TMEM260: variants seen among roughly 807,000 people sequenced by gnomAD.
TMEM260 encodes protein O-mannosyl-transferase TMEM260.
Under a neutral mutation model 88.9 loss-of-function variants are expected in TMEM260, and 82 were observed. The observed-to-expected ratio is 0.92, with a 90% CI of 0.77 to 1.11. TMEM260 has a LOEUF of 1.11. Among genes scored for constraint, TMEM260 ranks in the 50% least tolerant of loss-of-function variants. TMEM260 has a pLI of 0.00. For synonymous variants in TMEM260, 314 were observed against 309.3 expected, an observed-to-expected ratio of 1.02 and a Z score of -0.16; for missense variants, 902 against 853.4, an observed-to-expected ratio of 1.06 and a Z score of -0.71.
chr14:56,654,464 C>T (rs749292164), downstream of TMEM260, among the ~76,000 whole-genome samples: 2 of 152,098 alleles, frequency 1.3e-5, no homozygotes, highest in African/African-American at 4.8e-5. Flanking sequence ...CTCCCAGAAA[C>T]GGACCCCACC....
At chr14:56,652,892 T>C (rs1328784071), downstream of TMEM260, among the ~76,000 whole-genome samples, 4 of 152,218 alleles carry the variant, frequency 2.6e-5, no homozygotes. Context: ...CTGGAGGCAG[T>C]TCCTCCAGTT....
intron 1 of TMEM260, among the ~76,000 whole-genome samples, chr14:56,581,547 G>C (rs1885134596): frequency 6.6e-6 from 1 of 152,174 alleles, no homozygotes; most frequent in South Asian, 2.1e-4. Flanking sequence ...AAAATAAAAA[G>C]ATTGACAGCT....
At position 56,625,430 on chromosome 14, in the gene TMEM260, G is replaced by A; in HGVS notation, c.1447G>A (p.Gly483Ser). 6.2e-7 allele frequency: 1 copy of A among 1,613,910 alleles called. No individual in the cohort carries two copies. Among genetic ancestry groups the A allele is most frequent in the Non-Finnish European group, 8.5e-7 (1 of 1,179,894 alleles). ...YLPKMAKHLP[G>S]VNFPGNRWNP... Reference sequence around the variant, plus strand: ...ACCCAAGATGGCAAAGCACTTGCCAGGTGTCAACTTTCCTGGGAACCGGTG... The same window carrying A: ...ACCCAAGATGGCAAAGCACTTGCCAAGTGTCAACTTTCCTGGGAACCGGTG... The change falls in exon 12 of 16, where the codon GGT becomes AGT. Residue 483 changes from glycine (G) to serine (S), a missense_variant. Gly to Ser is a moderately conservative substitution (Grantham distance 56). Transcript: ENST00000261556.
Position 56,626,614 on chromosome 14 carries a change from A to G in TMEM260, c.1547+1084A>G, listed in dbSNP as rs547825110. 1.6e-3 allele frequency among the ~76,000 whole-genome samples: 239 copies of G among 152,286 alleles called. 3 individuals carry two copies. In the South Asian group the frequency reaches 0.023, roughly 15 times the overall value. Reference sequence around the variant, plus strand: ...AAGTGTCAGACATAGTATATACTCAATAGGTGTTTACTGAATAGATAGATG... The same window carrying G: ...AAGTGTCAGACATAGTATATACTCAGTAGGTGTTTACTGAATAGATAGATG... On this transcript the variant is annotated intron_variant, in intron 12 of 15. Coordinates refer to ENST00000261556, the MANE Select transcript of TMEM260 (RefSeq NM_017799.4).
the TMEM260 span, among the ~76,000 whole-genome samples, chr14:56,657,466 T>TAATC: frequency 0.28 from 42,726 of 151,764 alleles, 9,530 homozygotes; most frequent in African/African-American, 0.61. Context: ...TTACTACATT[T>TAATC]AATAAACATT....
the TMEM260 span, among the ~76,000 whole-genome samples, chr14:56,660,794 C>T: frequency 6.6e-6 from 1 of 150,498 alleles, no homozygotes; most frequent in Non-Finnish European, 1.5e-5. Flanking sequence ...GTCTCTGTCT[C>T]GCTCTCTCTT....
At chr14:56,580,270 T>G (rs1885035850) in intron 1 of TMEM260, among the ~76,000 whole-genome samples, 196 bp downstream of exon 1, 1 of 152,226 alleles carries the variant, frequency 6.6e-6, no homozygotes, top group Non-Finnish European at 1.5e-5. Context: ...TTTCTTTAGT[T>G]CTCAGGTTTT....
At chr14:56,610,042 AAAC>A (rs1887156272) in intron 6 of TMEM260, among the ~76,000 whole-genome samples, 1 of 152,168 alleles carries the variant, frequency 6.6e-6, no homozygotes, top group Non-Finnish European at 1.5e-5. Flanking sequence ...ATGAGAAACT[AAAC>A]AATCTATTGT....
rs199955365 is a variant in TMEM260, at chr14:56,610,963, C to CTTTTTTTTTTTTTTTTTTTTTTT, written c.817-1279_817-1278insTTTTTTTTTTTTTTTTTTTTTTT. ...CAAATATTCTTTTCTTTCTTTCTTT[C>CTTTTTTTTTTTTTTTTTTTTTTT]TTTCTTTTTTTTTTTTTTTTTGAGA... On this transcript the variant is annotated intron_variant, in intron 6 of 15. Coordinates refer to ENST00000261556, the MANE Select transcript of TMEM260 (RefSeq NM_017799.4). 1.4e-5 allele frequency among the ~76,000 whole-genome samples: 2 copies of CTTTTTTTTTTTTTTTTTTTTTTT among 142,680 alleles called. 1 individual carries two copies. Among genetic ancestry groups the CTTTTTTTTTTTTTTTTTTTTTTT allele is most frequent in the African/African-American group, 5.4e-5 (2 of 37,028 alleles). The allele number at this position is 142,680 out of a possible 152,430, so 93.6% of individuals were successfully genotyped here.
Position 56,600,601 on chromosome 14 carries a change from A to C in TMEM260, c.345-3214A>C, listed in dbSNP as rs184988320. Among the ~76,000 whole-genome samples the C allele has an allele frequency of 4.1e-4, 63 of 152,314 alleles. 1 individual carries two copies. The highest frequency in any genetic ancestry group is 1.4e-3 in the African/African-American group (60 of 41,574). On this transcript the variant is annotated intron_variant, in intron 3 of 15. Coordinates refer to ENST00000261556, the MANE Select transcript of TMEM260 (RefSeq NM_017799.4). ...AAGATGCTCAGCAGCATTAGCCATT[A>C]GGAAAATGCAAATCCAAACTTCAGT...
At chr14:56,580,472 G>A (rs574021041) in intron 1 of TMEM260, among the ~76,000 whole-genome samples, 8 of 152,298 alleles carry the variant, frequency 5.3e-5, no homozygotes, top group Admixed American at 2.0e-4. Context: ...GTTCCAGTGC[G>A]GTTAGACAAT....
chr14:56,612,457 G>T, intron 7 of TMEM260, 172 bp downstream of exon 7: 1 of 619,362 alleles, frequency 1.6e-6, no homozygotes, highest in South Asian at 2.0e-5. Flanking sequence ...GTATCCATGG[G>T]GTATTGGTTA....
chr14:56,603,468 A>G (rs193046813), intron 3 of TMEM260, among the ~76,000 whole-genome samples: 1 of 152,282 alleles, frequency 6.6e-6, no homozygotes, highest in Non-Finnish European at 1.5e-5. Context: ...TAACTAGGCC[A>G]TCCTTCTTCA....
chr14:56,616,748 A>G (rs1383993823), intron 8 of TMEM260, among the ~76,000 whole-genome samples: 2 of 152,118 alleles, frequency 1.3e-5, no homozygotes, highest in Admixed American at 1.3e-4. Context: ...GTCAATGATT[A>G]TTAATATTTT....
chr14:56,643,076 C>A (rs1889716309), intron 15 of TMEM260, among the ~76,000 whole-genome samples: 1 of 152,112 alleles, frequency 6.6e-6, no homozygotes, highest in Non-Finnish European at 1.5e-5. Context: ...CCGAATTCTA[C>A]CAGAGGTACA....
At chr14:56,636,748 T>C (rs1433584498) in intron 15 of TMEM260, 150 bp downstream of exon 15, 1 of 676,070 alleles carries the variant, frequency 1.5e-6, no homozygotes, top group African/African-American at 1.8e-5. Context: ...TATGAACAAA[T>C]CCTCAGTTGT....
rs1389588457 is a variant in TMEM260 at position 56,648,890 on chromosome 14, T to C, written c.*1393T>C. The C allele has an allele frequency of 6.6e-6, 1 of 152,602 alleles. No individual in the cohort carries two copies. The highest frequency in any genetic ancestry group is 1.9e-4 in the East Asian group (1 of 5,186). The allele number at this position is 152,602 out of a possible 1,614,324, so 9.5% of individuals were successfully genotyped here. On this transcript the variant is annotated 3_prime_UTR_variant, in exon 16 of 16. Coordinates refer to ENST00000261556, the MANE Select transcript of TMEM260 (RefSeq NM_017799.4). ...GTGCCTCTAAAAGCTTGACAGGGCCTTGACTGCACAATTCGAGCTGAATTT... is the reference window on the plus strand; with the variant it reads ...GTGCCTCTAAAAGCTTGACAGGGCCCTGACTGCACAATTCGAGCTGAATTT...
chr14:56,645,957 C>G (rs1384648833), intron 15 of TMEM260, among the ~76,000 whole-genome samples: 1 of 152,048 alleles, frequency 6.6e-6, no homozygotes, highest in African/African-American at 2.4e-5. Context: ...TTTTTTCTTT[C>G]TTTTTTATTT....
chr14:56,600,839 A>G (rs1886530646), intron 3 of TMEM260, among the ~76,000 whole-genome samples: 1 of 152,188 alleles, frequency 6.6e-6, no homozygotes, highest in Non-Finnish European at 1.5e-5. Context: ...TGATGCTAAA[A>G]AGGTTGAGAT....
Sources: allele counts gnomAD v4.1 joint callset (sites outside exome capture counted in the v4.1 genomes callset), GRCh38; gene constraint gnomAD v4.1.1; transcripts MANE v1.5; gene names NCBI Gene and HGNC (gene_info 2026-07-23, HGNC 2026-07-21).